Variants in LYPD6B observed in about 807,000 individuals in gnomAD.
The protein encoded by LYPD6B is ly6/PLAUR domain-containing protein 6B.
A neutral mutation model predicts 22.8 loss-of-function variants in LYPD6B; 17 were observed. That is an observed-to-expected ratio of 0.75 (90% CI 0.51 to 1.12). The LOEUF is 1.12. Ranked by LOEUF, LYPD6B falls within the 50% of genes most tolerant of loss-of-function variation. The pLI, the probability that LYPD6B is intolerant of heterozygous loss-of-function variation, is 0.00. For synonymous variants in LYPD6B, 106 were observed against 91.6 expected, an observed-to-expected ratio of 1.16 and a Z score of -0.90; for missense variants, 221 against 258.3, an observed-to-expected ratio of 0.86 and a Z score of 0.99.
chr2:149,155,809 T>C (rs1689665206), intron 2 of LYPD6B, among the ~76,000 whole-genome samples: 1 of 152,204 alleles, frequency 6.6e-6, no homozygotes, highest in Admixed American at 6.5e-5. Context: ...GTGGAGGCTG[T>C]AGAAATTAAA....
chr2:149,190,338 G>A (rs891649227), intron 3 of LYPD6B, among the ~76,000 whole-genome samples: 1 of 152,168 alleles, frequency 6.6e-6, no homozygotes, highest in East Asian at 1.9e-4. Context: ...ATGGACACTT[G>A]GGTTGTTTTC....
At chr2:149,142,080 C>T (rs1446314752) in intron 2 of LYPD6B, 1 of 152,182 alleles carries the variant, frequency 6.6e-6, no homozygotes, top group Non-Finnish European at 1.5e-5. Context: ...TGCAACCCTG[C>T]CCATGCTGCA....
intron 1 of LYPD6B, chr2:149,077,479 A>G (rs1684929654): frequency 6.6e-6 from 1 of 150,426 alleles, no homozygotes; most frequent in African/African-American, 2.5e-5. Flanking sequence ...AATAAGTGAT[A>G]ACTATAACTA....
chr2:149,144,690 C>T (rs1006273673), intron 2 of LYPD6B, among the ~76,000 whole-genome samples: 4 of 152,116 alleles, frequency 2.6e-5, no homozygotes, highest in Admixed American at 1.3e-4. Context: ...TGGTGCCTGA[C>T]CAAGACTAGT....
At chr2:149,145,811 G>C (rs1463699753) in intron 2 of LYPD6B, among the ~76,000 whole-genome samples, 1 of 152,218 alleles carries the variant, frequency 6.6e-6, no homozygotes, top group Admixed American at 6.5e-5. Flanking sequence ...GAGGGTGCCA[G>C]TCAAAAGAAA....
At chr2:149,052,723 G>A (rs1683620093) in intron 1 of LYPD6B, among the ~76,000 whole-genome samples, 2 of 152,104 alleles carry the variant, frequency 1.3e-5, no homozygotes, top group African/African-American at 4.8e-5. Flanking sequence ...ATGCCAAGTG[G>A]GTGACTATGC....
In LYPD6B at chr2:149,067,003, T is replaced by C. The variant is rs1303439158; in HGVS notation, c.-67+28202T>C. Reference sequence around the variant, plus strand: ...AGTAGTCCTGTGTCTATTGTAGCTATCTTTACTTCCATGAGTACCCAATGT... The same window carrying C: ...AGTAGTCCTGTGTCTATTGTAGCTACCTTTACTTCCATGAGTACCCAATGT... On this transcript the variant is annotated intron_variant, in intron 1 of 6. Coordinates refer to ENST00000409642, the MANE Select transcript of LYPD6B (RefSeq NM_177964.5). 2.0e-5 allele frequency among the ~76,000 whole-genome samples: 3 copies of C among 152,292 alleles called. No individual in the cohort carries two copies. The East Asian group carries it at 5.8e-4, about 29-fold the overall frequency.
intron 1 of LYPD6B, among the ~76,000 whole-genome samples, chr2:149,075,943 C>T (rs1192207982): frequency 6.6e-6 from 1 of 152,184 alleles, no homozygotes; most frequent in Non-Finnish European, 1.5e-5. Context: ...CAAAAAGCCT[C>T]AGAAACTATG....
At chr2:149,071,237 A>G (rs970509034) in intron 1 of LYPD6B, among the ~76,000 whole-genome samples, 1 of 152,186 alleles carries the variant, frequency 6.6e-6, no homozygotes, top group African/African-American at 2.4e-5. Context: ...AAATTCTTTT[A>G]GTCAATATTT....
chr2:149,214,592 C>T lies in LYPD6B; in HGVS notation c.506C>T (p.Pro169Leu). 6.2e-7 allele frequency: 1 copy of T among 1,613,824 alleles called. No homozygotes were observed. Among genetic ancestry groups the T allele is most frequent in the South Asian group, 1.1e-5 (1 of 91,076 alleles). The change falls in exon 7 of 7, where the codon CCC (proline) becomes CTC (leucine). Residue 169 changes from proline (P) to leucine (L), a missense_variant. Transcript: ENST00000409642. Reference sequence around the variant, plus strand: ...GGAATGATCTGCAATGTAGAATTACCCACCAATCACACTAATGCAGTGTTT... The same window carrying T: ...GGAATGATCTGCAATGTAGAATTACTCACCAATCACACTAATGCAGTGTTT... Reference protein sequence around the residue: ...CEGMICNVELPTNHTNAVFAV... With the variant: ...CEGMICNVELLTNHTNAVFAV...
At chr2:149,131,964 A>G (rs1287530996) in intron 2 of LYPD6B, among the ~76,000 whole-genome samples, 2 of 152,050 alleles carry the variant, frequency 1.3e-5, no homozygotes, top group Non-Finnish European at 2.9e-5. Flanking sequence ...TAGTCTTGTC[A>G]TTTGTGCTTT....
chr2:149,041,402 A>G (rs904865285), intron 1 of LYPD6B, among the ~76,000 whole-genome samples: 3 of 152,108 alleles, frequency 2.0e-5, no homozygotes, highest in African/African-American at 7.2e-5. Context: ...TAAAGGACAA[A>G]TTTTCCCCGA....
intron 1 of LYPD6B, among the ~76,000 whole-genome samples, chr2:149,100,416 CAAAAAAAAAAAAA>C (rs58068035): frequency 7.4e-5 from 5 of 67,964 alleles, no homozygotes; most frequent in Admixed American, 4.6e-4. Context: ...TTGGCTTTGA[CAAAAAAAAAAAAA>C]AAAAAAAAAA....
chr2:149,184,143 G>T (rs1691941269), intron 3 of LYPD6B, among the ~76,000 whole-genome samples: 3 of 151,446 alleles, frequency 2.0e-5, no homozygotes. Flanking sequence ...AGTGAGCCAA[G>T]ATTGAGCCAT....
chr2:149,052,885 C>G (rs921262792), intron 1 of LYPD6B, among the ~76,000 whole-genome samples: 1 of 152,076 alleles, frequency 6.6e-6, no homozygotes, highest in Non-Finnish European at 1.5e-5. Flanking sequence ...CGAGAAGCCC[C>G]CATAAGCCCA....
chr2:149,128,918 T>C (rs1687859989), intron 1 of LYPD6B, among the ~76,000 whole-genome samples: 1 of 152,168 alleles, frequency 6.6e-6, no homozygotes, highest in Non-Finnish European at 1.5e-5. Flanking sequence ...CATAAGAAAA[T>C]CTGATGAGAA....
At chr2:149,145,810 A>T (rs1369980904) in intron 2 of LYPD6B, among the ~76,000 whole-genome samples, 1 of 152,222 alleles carries the variant, frequency 6.6e-6, no homozygotes, top group Non-Finnish European at 1.5e-5. Context: ...TGAGGGTGCC[A>T]GTCAAAAGAA....
intron 1 of LYPD6B, among the ~76,000 whole-genome samples, chr2:149,055,180 T>C (rs1436533842): frequency 3.9e-5 from 6 of 152,230 alleles, no homozygotes; most frequent in African/African-American, 1.4e-4. Flanking sequence ...TTTGGCAACC[T>C]TGTCAAAAGT....
At chr2:149,183,300 A>G (rs1001547866) in intron 3 of LYPD6B, among the ~76,000 whole-genome samples, 9 of 152,216 alleles carry the variant, frequency 5.9e-5, no homozygotes, top group African/African-American at 1.7e-4. Flanking sequence ...TTCCTAGTTT[A>G]GGGTGCGTAG....
Sources: gnomAD v4.1 joint callset for allele counts (sites outside exome capture counted in the v4.1 genomes callset) on GRCh38, gnomAD v4.1.1 for gene constraint, MANE v1.5 for transcripts, NCBI Gene and HGNC (gene_info 2026-07-23, HGNC 2026-07-21) for gene names.